Variants in CLEC19A observed in about 807,000 individuals in gnomAD.
CLEC19A encodes the protein C-type lectin domain family 19 member A.
A neutral mutation model predicts 26.1 loss-of-function variants in CLEC19A; 21 were observed. The ratio of observed to expected loss-of-function variants is 0.80; its 90% confidence interval spans 0.57 to 1.16. CLEC19A has a LOEUF of 1.16. Ranked by LOEUF, CLEC19A falls within the 50% of genes most tolerant of loss-of-function variation. The probability of loss-of-function intolerance (pLI) is 0.00; values close to 1 mark genes in which losing one functional copy is unlikely to be tolerated. For missense variants in CLEC19A, 224 were observed against 227.6 expected (o/e 0.98, Z 0.10); for synonymous variants, 89 against 88.6 (o/e 1.00, Z -0.03).
At chr16:19,300,547 C>CAAA (rs66894914) in intron 2 of CLEC19A, among the ~76,000 whole-genome samples, 1 of 134,662 alleles carries the variant, frequency 7.4e-6, no homozygotes. Context: ...GATCCTATCT[C>CAAA]AAAAAAAAAA....
Position 19,292,339 on chromosome 16 carries a change from C to T in CLEC19A, c.89-6334C>T, listed in dbSNP as rs926713820. On this transcript the variant is annotated intron_variant, in intron 1 of 4. Transcript: ENST00000636231. ...GGTCCCAGGGGATGCTGAGGTTGGCCTTCGTAGCAATCGTTGTCCTAAACA... is the reference window on the plus strand; with the variant it reads ...GGTCCCAGGGGATGCTGAGGTTGGCTTTCGTAGCAATCGTTGTCCTAAACA... Among the ~76,000 whole-genome samples the T allele has an allele frequency of 5.3e-5, 8 of 152,154 alleles. No homozygotes were observed. The East Asian group carries it at 1.5e-3, about 29-fold the overall frequency.
chr16:19,302,054 C>CT (rs1897847273), intron 2 of CLEC19A, among the ~76,000 whole-genome samples: 1 of 151,820 alleles, frequency 6.6e-6, no homozygotes, highest in Non-Finnish European at 1.5e-5. Flanking sequence ...TTTAACGTTC[C>CT]ATATCAGTTC....
chr16:19,295,345 G>A (rs903569409), intron 1 of CLEC19A, among the ~76,000 whole-genome samples: 5 of 152,064 alleles, frequency 3.3e-5, no homozygotes, highest in Non-Finnish European at 5.9e-5. Flanking sequence ...TAGGACTACA[G>A]GCACACTCCA....
rs1306685719 is a variant in CLEC19A, at chr16:19,310,687, G to A, written c.*1604G>A. 6.6e-6 allele frequency: 1 copy of A among 152,138 alleles called. No individual in the cohort carries two copies. The highest frequency in any genetic ancestry group is 2.1e-4 in the South Asian group (1 of 4,814). 9.4% of individuals were successfully genotyped at this position (152,138 alleles called of 1,614,324 possible). On this transcript the variant is annotated 3_prime_UTR_variant, in exon 5 of 5. Transcript: ENST00000636231. ...AAACATTATGCTTCCAGTCACAAAA[G>A]ACCACATGTTGTATGATTCCATATA...
At position 19,307,548 on chromosome 16, in the gene CLEC19A, G is replaced by A. The variant is rs543877645; in HGVS notation, c.352G>A (p.Gly118Arg). The change falls in exon 4 of 5, where the codon GGG (glycine) becomes AGG (arginine). Residue 118 changes from glycine (G) to arginine (R), a missense_variant. By Grantham distance (125) the Gly-to-Arg change is moderately radical. Transcript: ENST00000636231. ...TCTTTGGGTGGAACCCTCCCAGGAA[G>A]GGCAGTTTGAATGGACTGATGGCTC... ...WTGLHDHRQE[G>R]QFEWTDGSSY... is the part of the protein sequence containing the mutation. The A allele has an allele frequency of 2.4e-5, 37 of 1,548,092 alleles. No homozygotes were observed. The African/African-American group carries it at 4.4e-4, about 18-fold the overall frequency.
chr16:19,308,651 T>C (rs1461119987), intron 4 of CLEC19A, among the ~76,000 whole-genome samples: 2 of 152,212 alleles, frequency 1.3e-5, no homozygotes, highest in Non-Finnish European at 2.9e-5. Flanking sequence ...TCTACAGAAC[T>C]CCAGACCCAG....
Position 19,309,655 on chromosome 16 carries a change from TC to T in CLEC19A, c.*573del, listed in dbSNP as rs1898030267. 1 of 152,588 alleles carries T rather than the reference TC, an allele frequency of 6.6e-6. No homozygotes were observed. Among genetic ancestry groups the T allele is most frequent in the Admixed American group, 6.5e-5 (1 of 15,312 alleles). 9.5% of individuals were successfully genotyped at this position (152,588 alleles called of 1,614,324 possible). A position where few individuals can be genotyped will look rare whatever the true frequency, so the allele number is the denominator to read the frequency against. ...TAATTTTTTTTTTTGAGACAGAGTC[TC>T]ACTCTGTTGCCCAGGCTGAAGTGCA... On this transcript the variant is annotated 3_prime_UTR_variant, in exon 5 of 5. Coordinates refer to ENST00000636231, the MANE Select transcript of CLEC19A (RefSeq NM_001256720.2).
intron 2 of CLEC19A, among the ~76,000 whole-genome samples, chr16:19,301,067 A>G (rs1897808824): frequency 6.6e-6 from 1 of 152,242 alleles, no homozygotes; most frequent in South Asian, 2.1e-4. Context: ...GCACTTGTAA[A>G]GACAGAAGAC....
Position 19,309,293 on chromosome 16 carries a change from T to TG in CLEC19A, c.*210_*211insG. The TG allele has an allele frequency of 2.9e-6, 1 of 347,422 alleles. No homozygotes were observed. Among genetic ancestry groups the TG allele is most frequent in the East Asian group, 4.7e-5 (1 of 21,454 alleles). 21.5% of individuals were successfully genotyped at this position (347,422 alleles called of 1,614,324 possible). ...CAAATTGGCTTAATTTTTTAAAGTGTTTTTTTTTTTAAATTGACCCAAGTA... is the reference window on the plus strand; with the variant it reads ...CAAATTGGCTTAATTTTTTAAAGTGTGTTTTTTTTTTAAATTGACCCAAGTA... On this transcript the variant is annotated 3_prime_UTR_variant, in exon 5 of 5. Transcript: ENST00000636231.
chr16:19,301,744 T>TGG (rs1567255443), intron 2 of CLEC19A, among the ~76,000 whole-genome samples: 1 of 99,558 alleles, frequency 1.0e-5, no homozygotes, highest in Admixed American at 1.1e-4. Flanking sequence ...TGGTTTTTTT[T>TGG]TTTTTTTTTT....
chr16:19,300,261 G>T (rs1897791743), intron 2 of CLEC19A, among the ~76,000 whole-genome samples: 1 of 151,510 alleles, frequency 6.6e-6, no homozygotes, highest in Non-Finnish European at 1.5e-5. Context: ...ATAAAAAAAA[G>T]AAAGGGGTCG....
At chr16:19,290,873 C>G (rs947785881) in intron 1 of CLEC19A, among the ~76,000 whole-genome samples, 2 of 152,164 alleles carry the variant, frequency 1.3e-5, no homozygotes, top group Non-Finnish European at 2.9e-5. Flanking sequence ...AGGTCTTGCT[C>G]TGTTGCCCAG....
intron 3 of CLEC19A, among the ~76,000 whole-genome samples, chr16:19,306,138 C>T (rs896514965): frequency 2.0e-5 from 3 of 147,774 alleles, no homozygotes; most frequent in African/African-American, 5.1e-5. Context: ...CCACCTCGCC[C>T]GGCCTATTTT....
chr16:19,305,804 A>G (rs888606788), intron 3 of CLEC19A, among the ~76,000 whole-genome samples: 3 of 152,090 alleles, frequency 2.0e-5, no homozygotes, highest in Non-Finnish European at 4.4e-5. Flanking sequence ...GTAACAGTGT[A>G]GTCAGACCTG....
chr16:19,300,645 C>T (rs1897800864), intron 2 of CLEC19A, among the ~76,000 whole-genome samples: 2 of 152,162 alleles, frequency 1.3e-5, no homozygotes, highest in African/African-American at 4.8e-5. Flanking sequence ...ATTGAACAAC[C>T]AGTGTATTTT....
intron 1 of CLEC19A, among the ~76,000 whole-genome samples, chr16:19,289,323 C>T (rs1278044443): frequency 6.6e-6 from 1 of 152,214 alleles, no homozygotes; most frequent in Non-Finnish European, 1.5e-5. Context: ...TCCTTCCAGA[C>T]TGAGAGCAAC....
chr16:19,304,193 C>G, intron 3 of CLEC19A, 38 bp downstream of exon 3: 1 of 1,502,766 alleles, frequency 6.7e-7, no homozygotes, highest in Non-Finnish European at 9.1e-7. Context: ...CTTGGAAGCT[C>G]CAGCCAGGAT....
At position 19,310,666 on chromosome 16, in the gene CLEC19A, A is replaced by G. The variant is rs1440507852; in HGVS notation, c.*1583A>G. 6.6e-6 allele frequency: 1 copy of G among 152,216 alleles called. No individual in the cohort carries two copies. The highest frequency in any genetic ancestry group is 1.5e-5 in the Non-Finnish European group (1 of 68,046). 9.4% of individuals were successfully genotyped at this position (152,216 alleles called of 1,614,324 possible). ...TACAACCTGAATGAACCTGAAAAAC[A>G]TTATGCTTCCAGTCACAAAAGACCA... On this transcript the variant is annotated 3_prime_UTR_variant, in exon 5 of 5. Transcript: ENST00000636231.
chr16:19,309,098 A>G lies in CLEC19A; in HGVS notation c.*15A>G, dbSNP rs192886699. 9.2e-4 allele frequency: 1,413 copies of G among 1,541,562 alleles called. 9 individuals carry two copies. In the African/African-American group the frequency reaches 0.016, roughly 18 times the overall value. On this transcript the variant is annotated 3_prime_UTR_variant, in exon 5 of 5. Transcript: ENST00000636231. ...CCATTCATTGATCCTGTCTTGTCCT[A>G]CTGGTGTGAGCTCAACTCTAGTATC...
Sources: gnomAD v4.1 joint callset for allele counts (sites outside exome capture counted in the v4.1 genomes callset) on GRCh38, gnomAD v4.1.1 for gene constraint, MANE v1.5 for transcripts, NCBI Gene and HGNC (gene_info 2026-07-23, HGNC 2026-07-21) for gene names.